GUCY1A2: variants seen among roughly 807,000 people sequenced by gnomAD.
GUCY1A2 encodes guanylate cyclase soluble subunit alpha-2.
A neutral mutation model predicts 63.5 loss-of-function variants in GUCY1A2; 27 were observed. The observed-to-expected ratio is 0.43, with a 90% confidence interval of 0.31 to 0.59. The LOEUF (loss-of-function observed/expected upper bound fraction) is 0.59. Ranked by LOEUF, GUCY1A2 falls within the 20% of genes least tolerant of loss-of-function variation. The probability of loss-of-function intolerance (pLI) is 0.11; values close to 1 mark genes in which losing one functional copy is unlikely to be tolerated. For synonymous variants in GUCY1A2, 364 were observed against 343.5 expected, an observed-to-expected ratio of 1.06 and a Z score of -0.66; for missense variants, 768 against 913.3, an observed-to-expected ratio of 0.84 and a Z score of 2.05.
chr11:106,833,261 C>A (rs1049883332), intron 4 of GUCY1A2, among the ~76,000 whole-genome samples: 1 of 152,022 alleles, frequency 6.6e-6, no homozygotes, highest in Non-Finnish European at 1.5e-5. Flanking sequence ...AGAAACTTAT[C>A]TCCAAATAAG....
At chr11:106,881,918 C>A (rs953303021) in intron 4 of GUCY1A2, among the ~76,000 whole-genome samples, 1 of 151,792 alleles carries the variant, frequency 6.6e-6, no homozygotes, top group Non-Finnish European at 1.5e-5. Flanking sequence ...CAAATATTAT[C>A]GTAATATTTT....
chr11:106,905,265 T>C (rs1043012543), intron 4 of GUCY1A2, among the ~76,000 whole-genome samples: 2 of 152,144 alleles, frequency 1.3e-5, no homozygotes, highest in Admixed American at 6.6e-5. Flanking sequence ...CATTAATTAA[T>C]ATGACAATCA....
intron 1 of GUCY1A2, among the ~76,000 whole-genome samples, chr11:106,995,542 T>G (rs1361271863): frequency 6.6e-6 from 1 of 152,200 alleles, no homozygotes; most frequent in Non-Finnish European, 1.5e-5. Flanking sequence ...GATACAGGAT[T>G]TATTTTTCTG....
At chr11:106,827,721 G>A in intron 4 of GUCY1A2, 1 of 1,541,980 alleles carries the variant, frequency 6.5e-7, no homozygotes, top group African/African-American at 1.4e-5. Context: ...CAATATTTTA[G>A]AAATCTGCTT....
intron 1 of GUCY1A2, among the ~76,000 whole-genome samples, chr11:107,001,720 T>C (rs1861615274): frequency 6.6e-6 from 1 of 152,100 alleles, no homozygotes; most frequent in South Asian, 2.1e-4. Context: ...AATTTACTCA[T>C]TTAAAAAATA....
At chr11:106,833,729 G>C (rs755262488) in intron 4 of GUCY1A2, among the ~76,000 whole-genome samples, 19 of 151,974 alleles carry the variant, frequency 1.3e-4, no homozygotes, top group Non-Finnish European at 1.3e-4. Context: ...CGTAAGTAAA[G>C]ATTATTAACT....
chr11:106,747,041 A>G (rs3763816), intron 6 of GUCY1A2, among the ~76,000 whole-genome samples: 52,772 of 152,012 alleles, frequency 0.35, 9,601 homozygotes, highest in African/African-American at 0.43. Flanking sequence ...ACGCTGGAGT[A>G]CAGTGGCGCA....
chr11:106,681,875 A>G lies in GUCY1A2; in HGVS notation c.*5674T>C, dbSNP rs1279445140. The G allele has an allele frequency of 9.3e-6, 2 of 214,824 alleles. No homozygotes were observed. The highest frequency in any genetic ancestry group is 4.5e-5 in the African/African-American group (2 of 44,294). 13.3% of individuals were successfully genotyped at this position (214,824 alleles called of 1,614,324 possible). A position where few individuals can be genotyped will look rare whatever the true frequency, so the allele number is the denominator to read the frequency against. On this transcript the variant is annotated 3_prime_UTR_variant, in exon 8 of 8. Transcript: ENST00000526355. ...TCAGATAATGTACAATTCAATATGA[A>G]AAGTACATAGTGAGACTAAGTATTA...
intron 7 of GUCY1A2, 142 bp from the exon 8 acceptor site, chr11:106,687,898 C>G: frequency 1.6e-6 from 1 of 611,976 alleles, no homozygotes; most frequent in Non-Finnish European, 2.9e-6. Flanking sequence ...TGGCCTTCAT[C>G]AGATTCCAAA....
intron 4 of GUCY1A2, among the ~76,000 whole-genome samples, chr11:106,840,020 T>C (rs1859175020): frequency 6.6e-6 from 1 of 151,960 alleles, no homozygotes; most frequent in African/African-American, 2.4e-5. Flanking sequence ...TACATATATA[T>C]ATAAATGTCT....
rs776489436 is a variant in GUCY1A2, at chr11:106,939,970, T to C, written c.696A>G (p.Glu232=). 1 of 1,613,912 alleles carries C rather than the reference T, an allele frequency of 6.2e-7. No individual in the cohort carries two copies. The highest frequency in any genetic ancestry group is 2.2e-5 in the East Asian group (1 of 44,866). Residue 232 remains glutamate, a synonymous_variant, in exon 4 of 8, where the codon GAA becomes GAG. Coordinates refer to ENST00000526355, the MANE Select transcript of GUCY1A2 (RefSeq NM_000855.3). ...SPSFLCKELP[E]GTLMLHYFHP... is the part of the protein sequence containing the mutation. ...GGAAGTAGTGGAGCATGAGAGTACC[T>C]TCAGGGAGCTCTTTGCATAGGAAAG...
intron 4 of GUCY1A2, among the ~76,000 whole-genome samples, chr11:106,909,198 A>G (rs1591323423): frequency 1.3e-5 from 2 of 152,110 alleles, no homozygotes; most frequent in East Asian, 3.9e-4. Flanking sequence ...ATAATTATAA[A>G]TTCACATGCA....
At position 106,685,602 on chromosome 11, in the gene GUCY1A2, C is replaced by T. The variant is rs891294224; in HGVS notation, c.*1947G>A. ...TGACATCAGTGAGCTTGTTCCCTCC[C>T]CATGCTCCAGTGCTACAAGGAGCCC... On this transcript the variant is annotated 3_prime_UTR_variant, in exon 8 of 8. Coordinates refer to ENST00000526355, the MANE Select transcript of GUCY1A2 (RefSeq NM_000855.3). The T allele has an allele frequency of 1.8e-5, 4 of 228,030 alleles. No homozygotes were observed. The highest frequency in any genetic ancestry group is 6.7e-5 in the African/African-American group (3 of 45,038). The allele number at this position is 228,030 out of a possible 1,614,324, so 14.1% of individuals were successfully genotyped here. A position where few individuals can be genotyped will look rare whatever the true frequency, so the allele number is the denominator to read the frequency against.
chr11:106,689,675 C>A (rs1226894423), intron 7 of GUCY1A2, among the ~76,000 whole-genome samples: 1 of 152,070 alleles, frequency 6.6e-6, no homozygotes, highest in African/African-American at 2.4e-5. Context: ...TACCATTTAA[C>A]ACCAGTCAGA....
intron 4 of GUCY1A2, among the ~76,000 whole-genome samples, chr11:106,916,581 G>C (rs955297207): frequency 2.1e-5 from 3 of 145,588 alleles, no homozygotes; most frequent in African/African-American, 7.3e-5. Flanking sequence ...ATTTTAACTA[G>C]AGTGAAATGC....
At chr11:106,989,505 T>C (rs1591356198) in intron 1 of GUCY1A2, among the ~76,000 whole-genome samples, 1 of 152,112 alleles carries the variant, frequency 6.6e-6, no homozygotes, top group Non-Finnish European at 1.5e-5. Flanking sequence ...TGACACACAG[T>C]CGGTGTGTAA....
At chr11:106,780,148 G>A (rs188880793) in intron 5 of GUCY1A2, among the ~76,000 whole-genome samples, 35 of 152,216 alleles carry the variant, frequency 2.3e-4, no homozygotes, top group African/African-American at 7.5e-4. Context: ...GTGACAAAGC[G>A]AGAACGAGAC....
intron 4 of GUCY1A2, among the ~76,000 whole-genome samples, chr11:106,918,828 T>C (rs571620703): frequency 6.4e-5 from 7 of 110,016 alleles, no homozygotes; most frequent in Admixed American, 4.4e-4. Context: ...GTACCTAGCA[T>C]TTCAAATAAT....
chr11:106,799,529 G>A (rs957337943), intron 5 of GUCY1A2, among the ~76,000 whole-genome samples: 5 of 152,120 alleles, frequency 3.3e-5, no homozygotes, highest in Non-Finnish European at 7.3e-5. Context: ...CATGGTACTG[G>A]TACCAAAACA....
Sources: allele counts gnomAD v4.1 joint callset (sites outside exome capture counted in the v4.1 genomes callset), GRCh38; gene constraint gnomAD v4.1.1; transcripts MANE v1.5; gene names NCBI Gene and HGNC (gene_info 2026-07-23, HGNC 2026-07-21).